The following CUX2 variants were observed in gnomAD, a reference collection of about 807,000 sequenced individuals.
CUX2 encodes the protein homeobox protein cut-like 2.
Under a neutral mutation model 144.8 loss-of-function variants are expected in CUX2, and 40 were observed. The observed-to-expected ratio is 0.28, with a 90% confidence interval of 0.21 to 0.36. The LOEUF is 0.36. Among genes scored for constraint, CUX2 ranks in the 10% least tolerant of loss-of-function variants. The probability of loss-of-function intolerance (pLI) is 1.00; values close to 1 mark genes in which losing one functional copy is unlikely to be tolerated. For missense variants in CUX2, 1,615 were observed against 1,994.0 expected (o/e 0.81, Z 3.62); for synonymous variants, 827 against 875.6 (o/e 0.94, Z 0.98).
At chr12:111,240,431 C>G (rs1231390486) in intron 3 of CUX2, among the ~76,000 whole-genome samples, 1 of 152,240 alleles carries the variant, frequency 6.6e-6, no homozygotes, top group African/African-American at 2.4e-5. Context: ...TCTGGGTTCC[C>G]CCACAGCACT....
intron 1 of CUX2, among the ~76,000 whole-genome samples, chr12:111,083,046 A>T (rs1454648388): frequency 2.0e-5 from 3 of 152,110 alleles, no homozygotes; most frequent in Non-Finnish European, 4.4e-5. Flanking sequence ...TGTGCCTTTT[A>T]GGGTGCTTAG....
At chr12:111,201,577 G>GCAGTCCTCCC (rs1330913392) in intron 1 of CUX2, among the ~76,000 whole-genome samples, 1 of 152,088 alleles carries the variant, frequency 6.6e-6, no homozygotes, top group Non-Finnish European at 1.5e-5. Flanking sequence ...TATTTGTGTG[G>GCAGTCCTCCC]CAGTCCTCCC....
chr12:111,075,592 C>G (rs915721928), intron 1 of CUX2, among the ~76,000 whole-genome samples: 3 of 152,106 alleles, frequency 2.0e-5, no homozygotes, highest in African/African-American at 7.2e-5. Flanking sequence ...CCATTTGCTG[C>G]TGTTGTTTTT....
At position 111,349,866 on chromosome 12, in the gene CUX2, G is replaced by A. The variant is rs937378760; in HGVS notation, c.*1541G>A. The A allele has an allele frequency of 6.6e-6, 1 of 152,216 alleles. No homozygotes were observed. Among genetic ancestry groups the A allele is most frequent in the Non-Finnish European group, 1.5e-5 (1 of 68,050 alleles). The allele number at this position is 152,216 out of a possible 1,614,324, so 9.4% of individuals were successfully genotyped here. A position where few individuals can be genotyped will look rare whatever the true frequency, so the allele number is the denominator to read the frequency against. ...AATCAATGCCAATGTAATGCCAGCG[G>A]GTGAGATGGCCGATGGAGGTTTCAA... is the stretch of plus-strand genomic sequence containing the variant. On this transcript the variant is annotated 3_prime_UTR_variant, in exon 22 of 22. Coordinates refer to ENST00000261726, the MANE Select transcript of CUX2 (RefSeq NM_015267.4).
intron 1 of CUX2, chr12:111,099,598 T>G: frequency 2.2e-6 from 1 of 456,666 alleles, no homozygotes; most frequent in Non-Finnish European, 4.4e-6. Flanking sequence ...AGCCCTCACA[T>G]GGGAGAACAG....
At chr12:111,185,840 G>A (rs930623093) in intron 1 of CUX2, among the ~76,000 whole-genome samples, 1 of 152,102 alleles carries the variant, frequency 6.6e-6, no homozygotes, top group African/African-American at 2.4e-5. Flanking sequence ...TCAGCTCCAC[G>A]GTCCGAGGGG....
chr12:111,072,510 A>G (rs1453009222), intron 1 of CUX2, among the ~76,000 whole-genome samples: 1 of 152,136 alleles, frequency 6.6e-6, no homozygotes. Context: ...TGCAATATCT[A>G]CCTCAAGGAA....
Position 111,298,443 on chromosome 12 carries a change from C to G in CUX2, c.705-98C>G, listed in dbSNP as rs1014358890. 4.6e-6 allele frequency: 6 copies of G among 1,301,106 alleles called. No individual in the cohort carries two copies. In the East Asian group the frequency reaches 1.5e-4, roughly 33 times the overall value. 80.6% of individuals were successfully genotyped at this position (1,301,106 alleles called of 1,614,324 possible). On this transcript the variant is annotated intron_variant, in intron 8 of 21. Transcript: ENST00000261726. ...TCTCTCCTGTAGCAAGGCCTTCAGC[C>G]CTCCCCTGGGCTCAGGCAGGGGCTG...
At chr12:111,194,704 A>G (rs1880128147) in intron 1 of CUX2, among the ~76,000 whole-genome samples, 1 of 152,246 alleles carries the variant, frequency 6.6e-6, no homozygotes. Flanking sequence ...TCAACTGGGA[A>G]CAGGTCACCT....
At chr12:111,085,577 T>G (rs903929822) in intron 1 of CUX2, among the ~76,000 whole-genome samples, 2 of 152,238 alleles carry the variant, frequency 1.3e-5, no homozygotes, top group African/African-American at 2.4e-5. Context: ...TCAGTTTACT[T>G]GTGCCTCCAG....
At chr12:111,138,878 C>T (rs1566247655) in intron 1 of CUX2, among the ~76,000 whole-genome samples, 1 of 152,030 alleles carries the variant, frequency 6.6e-6, no homozygotes, top group Non-Finnish European at 1.5e-5. Flanking sequence ...CCACACAGCT[C>T]CCAGGGGCGA....
At chr12:111,213,900 G>A (rs1480348326) in intron 1 of CUX2, among the ~76,000 whole-genome samples, 2 of 151,686 alleles carry the variant, frequency 1.3e-5, no homozygotes, top group Admixed American at 6.6e-5. Flanking sequence ...GGTGGGGCAG[G>A]GGGTGGGGGG....
chr12:111,128,378 A>G (rs1875224896), intron 1 of CUX2, among the ~76,000 whole-genome samples: 1 of 152,136 alleles, frequency 6.6e-6, no homozygotes, highest in African/African-American at 2.4e-5. Context: ...GTCCGGGTCA[A>G]TTCTGTCAGT....
At chr12:111,096,942 A>C (rs1872850405) in intron 1 of CUX2, among the ~76,000 whole-genome samples, 1 of 151,910 alleles carries the variant, frequency 6.6e-6, no homozygotes, top group South Asian at 2.1e-4. Context: ...ACACCACTGC[A>C]CTCCAGCCTG....
intron 3 of CUX2, among the ~76,000 whole-genome samples, chr12:111,218,958 A>G (rs962643493): frequency 3.3e-5 from 5 of 151,766 alleles, no homozygotes; most frequent in African/African-American, 1.2e-4. Context: ...CCAAGAAAAG[A>G]CTGGAATCAT....
intron 4 of CUX2, among the ~76,000 whole-genome samples, chr12:111,276,221 C>T (rs1363154236): frequency 3.9e-5 from 6 of 151,950 alleles, no homozygotes; most frequent in East Asian, 3.9e-4. Context: ...GGCATGGTGA[C>T]GCGTGCCTGT....
rs1303285087 is a variant in CUX2, at chr12:111,306,933, T to C, written c.871T>C (p.Phe291Leu). Residue 291 changes from phenylalanine (F) to leucine (L), a missense_variant, in exon 11 of 22, where the codon TTC becomes CTC. By Grantham distance (22) the Phe-to-Leu change is conservative (BLOSUM62 0). Coordinates refer to ENST00000261726, the MANE Select transcript of CUX2 (RefSeq NM_015267.4). Reference sequence around the variant, plus strand: ...CCTTTGCCTGCAGGATAAGGTGAACTTCACTCTGTGCTCGGGCCCTCGGCT... The same window carrying C: ...CCTTTGCCTGCAGGATAAGGTGAACCTCACTCTGTGCTCGGGCCCTCGGCT... ...PQGPSGDKVN[F>L]TLCSGPRLEA... 6.2e-7 allele frequency: 1 copy of C among 1,606,324 alleles called. No individual in the cohort carries two copies. The highest frequency in any genetic ancestry group is 8.5e-7 in the Non-Finnish European group (1 of 1,175,704).
At position 111,171,111 on chromosome 12, in the gene CUX2, C is replaced by A. The variant is rs1311440267; in HGVS notation, c.64-43089C>A. Among the ~76,000 whole-genome samples, 1 of 152,248 alleles carries A rather than the reference C, an allele frequency of 6.6e-6. No homozygotes were observed. Among genetic ancestry groups the A allele is most frequent in the African/African-American group, 2.4e-5 (1 of 41,542 alleles). On this transcript the variant is annotated intron_variant, in intron 1 of 21. Coordinates refer to ENST00000261726, the MANE Select transcript of CUX2 (RefSeq NM_015267.4). This position sits in a 1 kb window ranked among gnomAD's most constrained non-coding sequence, Gnocchi z 5.0. Reference sequence around the variant, plus strand: ...CCAAGGAGAGAATAGGTGCTGGTAACACCTGGAGTCATCCCAGCAGGTGTC... The same window carrying A: ...CCAAGGAGAGAATAGGTGCTGGTAAAACCTGGAGTCATCCCAGCAGGTGTC...
At chr12:111,041,493 G>T (rs1342383722) in intron 1 of CUX2, among the ~76,000 whole-genome samples, 1 of 152,208 alleles carries the variant, frequency 6.6e-6, no homozygotes, top group Non-Finnish European at 1.5e-5. Flanking sequence ...TCTGACCACA[G>T]AAATTGCAGA....
Sources: allele counts gnomAD v4.1 joint callset (sites outside exome capture counted in the v4.1 genomes callset), GRCh38; gene constraint gnomAD v4.1.1; non-coding constraint Gnocchi (gnomAD v3.1); transcripts MANE v1.5; gene names NCBI Gene and HGNC (gene_info 2026-07-23, HGNC 2026-07-21).